The following CADPS variants were observed in gnomAD, a reference collection of about 807,000 sequenced individuals.
CADPS encodes the protein calcium dependent secretion activator.
A neutral mutation model predicts 167.3 loss-of-function variants in CADPS; 57 were observed. The observed-to-expected ratio is 0.34, with a 90% CI of 0.28 to 0.42. The LOEUF (loss-of-function observed/expected upper bound fraction) is 0.42. CADPS is among the 20% of genes least tolerant of loss of function. CADPS has a pLI of 1.00. For synonymous variants in CADPS, 676 were observed against 635.3 expected, an observed-to-expected ratio of 1.06 and a Z score of -0.96; for missense variants, 1,414 against 1,738.1, an observed-to-expected ratio of 0.81 and a Z score of 3.32.
At chr3:62,792,759 C>A (rs1009837149) in intron 1 of CADPS, among the ~76,000 whole-genome samples, 4 of 151,896 alleles carry the variant, frequency 2.6e-5, no homozygotes, top group Non-Finnish European at 5.9e-5. Context: ...TCATGCTTGG[C>A]AATTTGTTTT....
At chr3:62,592,907 G>T (rs867201422) in intron 6 of CADPS, among the ~76,000 whole-genome samples, 159 bp from the exon 7 acceptor site, 1 of 152,170 alleles carries the variant, frequency 6.6e-6, no homozygotes, top group African/African-American at 2.4e-5. Flanking sequence ...AGTAACAAAC[G>T]TGTTAATTAA....
intron 1 of CADPS, among the ~76,000 whole-genome samples, chr3:62,791,461 T>C (rs1173694290): frequency 6.6e-6 from 1 of 152,208 alleles, no homozygotes; most frequent in African/African-American, 2.4e-5. Context: ...AAATGCAGAA[T>C]TGTTAGAAAT....
chr3:62,472,622 G>C (rs921838944), intron 24 of CADPS, among the ~76,000 whole-genome samples: 1 of 152,198 alleles, frequency 6.6e-6, no homozygotes, highest in Non-Finnish European at 1.5e-5. Context: ...CAGAGCAGCT[G>C]TACTTTTATT....
intron 1 of CADPS, among the ~76,000 whole-genome samples, chr3:62,840,541 G>A (rs1483036628): frequency 2.0e-5 from 3 of 152,162 alleles, no homozygotes; most frequent in Middle Eastern, 3.4e-3. Flanking sequence ...AAAATGTTGT[G>A]TATATTTTTG....
chr3:62,519,172 G>T (rs1216263390), intron 13 of CADPS, among the ~76,000 whole-genome samples: 2 of 152,152 alleles, frequency 1.3e-5, no homozygotes. Context: ...AGATCTCATA[G>T]TGACTTGTTT....
intron 11 of CADPS, among the ~76,000 whole-genome samples, chr3:62,542,373 G>A (rs1368672788): frequency 6.6e-6 from 1 of 152,112 alleles, no homozygotes; most frequent in Non-Finnish European, 1.5e-5. Context: ...AAGAGTGAAT[G>A]TATGGTTTGG....
At position 62,765,993 on chromosome 3, in the gene CADPS, A is replaced by G. The variant is rs1359709170; in HGVS notation, c.442-9T>C. The stretch of plus-strand genomic sequence containing the variant: ...AGCTGCTGTTTGCTGATCTGTAAGA[A>G]ACAGAAAAAGAGGGAAATGTGAGAA... On this transcript the variant is annotated splice_polypyrimidine_tract_variant and intron_variant, in intron 1 of 29. Transcript: ENST00000383710. 1 of 1,595,460 alleles carries G rather than the reference A, an allele frequency of 6.3e-7. No homozygotes were observed. Among genetic ancestry groups the G allele is most frequent in the African/African-American group, 1.3e-5 (1 of 74,532 alleles).
intron 28 of CADPS, among the ~76,000 whole-genome samples, chr3:62,419,745 C>T (rs150068276): frequency 3.9e-5 from 6 of 152,054 alleles, no homozygotes; most frequent in East Asian, 1.9e-4. Context: ...AGCAGATTGA[C>T]GTAAGCAACT....
chr3:62,609,270 T>C (rs2061158158), intron 6 of CADPS, among the ~76,000 whole-genome samples: 1 of 152,184 alleles, frequency 6.6e-6, no homozygotes, highest in Non-Finnish European at 1.5e-5. Flanking sequence ...CTTCCTTCTT[T>C]CCTGCATCCT....
chr3:62,870,925 A>G (rs920152932), intron 1 of CADPS, among the ~76,000 whole-genome samples: 1 of 152,158 alleles, frequency 6.6e-6, no homozygotes, highest in Non-Finnish European at 1.5e-5. Context: ...TTCTGACAAA[A>G]GAAGAAGAAA....
At chr3:62,736,690 T>C (rs1170679354) in intron 3 of CADPS, among the ~76,000 whole-genome samples, 1 of 152,220 alleles carries the variant, frequency 6.6e-6, no homozygotes, top group African/African-American at 2.4e-5. Context: ...CTGAATTAGA[T>C]AGAAAGACTG....
chr3:62,832,057 T>C (rs1045809592), intron 1 of CADPS, among the ~76,000 whole-genome samples: 13 of 152,170 alleles, frequency 8.5e-5, no homozygotes, highest in African/African-American at 3.1e-4. Flanking sequence ...TTACATTTCA[T>C]TGTTGATAGG....
chr3:62,479,892 T>C (rs1194234674), intron 22 of CADPS, among the ~76,000 whole-genome samples: 1 of 152,178 alleles, frequency 6.6e-6, no homozygotes, highest in Non-Finnish European at 1.5e-5. Flanking sequence ...CCCCAACCTA[T>C]GCTTGGGAAA....
At chr3:62,513,717 G>A (rs958426448) in intron 16 of CADPS, 3 of 1,570,208 alleles carry the variant, frequency 1.9e-6, no homozygotes, top group Non-Finnish European at 1.7e-6. Context: ...CTATAAAAGA[G>A]GATTTGGGCA....
At position 62,805,589 on chromosome 3, in the gene CADPS, G is replaced by A. The variant is rs185972384; in HGVS notation, c.442-39605C>T. 8.5e-5 allele frequency among the ~76,000 whole-genome samples: 13 copies of A among 152,240 alleles called. No individual in the cohort carries two copies. In the East Asian group the frequency reaches 2.1e-3, roughly 25 times the overall value. On this transcript the variant is annotated intron_variant, in intron 1 of 29. Transcript: ENST00000383710. ...TCCTTTCCCTTCCTTCCACAAACAT[G>A]TATCAGCACTAACTATATGTAAAGC...
At chr3:62,803,206 A>G (rs2093880992) in intron 1 of CADPS, among the ~76,000 whole-genome samples, 1 of 152,174 alleles carries the variant, frequency 6.6e-6, no homozygotes, top group Non-Finnish European at 1.5e-5. Context: ...AGTATCCACT[A>G]GCTGGGGAAG....
At chr3:62,564,678 C>T (rs972093027) in intron 9 of CADPS, among the ~76,000 whole-genome samples, 6 of 149,348 alleles carry the variant, frequency 4.0e-5, no homozygotes, top group Admixed American at 1.3e-4. Flanking sequence ...ATGATCTTGG[C>T]TCACTGCAAC....
chr3:62,649,123 ATCTCT>A (rs1276022226), intron 5 of CADPS, among the ~76,000 whole-genome samples: 6 of 152,192 alleles, frequency 3.9e-5, no homozygotes, highest in Non-Finnish European at 8.8e-5. Context: ...CAGAAATTTG[ATCTCT>A]TCTCTTGGTC....
At chr3:62,691,814 G>A (rs1328816744) in intron 3 of CADPS, among the ~76,000 whole-genome samples, 1 of 152,012 alleles carries the variant, frequency 6.6e-6, no homozygotes, top group African/African-American at 2.4e-5. Context: ...AGAAAGAATA[G>A]CTAAAAGATG....
Sources: gnomAD v4.1 joint callset for allele counts (sites outside exome capture counted in the v4.1 genomes callset) on GRCh38, gnomAD v4.1.1 for gene constraint, MANE v1.5 for transcripts, NCBI Gene and HGNC (gene_info 2026-07-23, HGNC 2026-07-21) for gene names.